The following ASXL3 variants were observed in gnomAD, a reference collection of about 807,000 sequenced individuals.
ASXL3 encodes the protein putative Polycomb group protein ASXL3.
A neutral mutation model predicts 170.6 loss-of-function variants in ASXL3; 34 were observed. The observed-to-expected ratio is 0.20, with a 90% confidence interval of 0.15 to 0.27. The LOEUF (loss-of-function observed/expected upper bound fraction) is 0.27. ASXL3 is among the 10% of genes least tolerant of loss of function. The pLI is 1.00. For synonymous variants in ASXL3, 1,002 were observed against 989.1 expected (o/e 1.01, Z -0.24); for missense variants, 2,592 against 2,695.3 (o/e 0.96, Z 0.85).
chr18:33,594,263 T>C (rs975072136), intron 1 of ASXL3, among the ~76,000 whole-genome samples: 13 of 152,296 alleles, frequency 8.5e-5, no homozygotes, highest in South Asian at 2.1e-4. Context: ...TAATTTAGGG[T>C]TGGCTAAAGG....
At chr18:33,713,347 C>G (rs886560548) in intron 8 of ASXL3, among the ~76,000 whole-genome samples, 3 of 141,682 alleles carry the variant, frequency 2.1e-5, no homozygotes, top group African/African-American at 5.3e-5. Context: ...CTCCACCCCC[C>G]CCCGGGTTCA....
In ASXL3 at chr18:33,725,086, C is replaced by T. The variant is rs912683401; in HGVS notation, c.880-6882C>T. Reference sequence around the variant, plus strand: ...GAGAGTCAATACTCTGGCTTTTATTCGTACTGGGATGTAGACTACAAGGGC... The same window carrying T: ...GAGAGTCAATACTCTGGCTTTTATTTGTACTGGGATGTAGACTACAAGGGC... On this transcript the variant is annotated intron_variant, in intron 8 of 11. Transcript: ENST00000269197. 5.9e-5 allele frequency among the ~76,000 whole-genome samples: 9 copies of T among 152,140 alleles called. No homozygotes were observed. In the East Asian group the frequency reaches 7.8e-4, roughly 13 times the overall value.
At chr18:33,675,991 A>G (rs549553236) in intron 7 of ASXL3, among the ~76,000 whole-genome samples, 47 of 151,996 alleles carry the variant, frequency 3.1e-4, no homozygotes, top group South Asian at 2.1e-3. Flanking sequence ...TTGGGAGGCC[A>G]AGGCGGGCGG....
In ASXL3 at chr18:33,671,867, G is replaced by A. The variant is rs775986411; in HGVS notation, c.715+1G>A. The A allele has an allele frequency of 1.3e-6, 2 of 1,599,608 alleles. No individual in the cohort carries two copies. Among genetic ancestry groups the A allele is most frequent in the Non-Finnish European group, 1.7e-6 (2 of 1,173,472 alleles). ...AAACGATTAAAAAAGTCTGGTTTAG[G>A]TGAGTGTTTAATAGACTATGCCATT... On this transcript the variant is annotated splice_donor_variant, in intron 7 of 11. Coordinates refer to ENST00000269197, the MANE Select transcript of ASXL3 (RefSeq NM_030632.3). LOFTEE classifies it high-confidence loss of function.
Position 33,743,859 on chromosome 18 carries a change from G to T in ASXL3, c.4011G>T (p.Gln1337His), listed in dbSNP as rs201161279. 3.2e-5 allele frequency: 52 copies of T among 1,613,880 alleles called. No homozygotes were observed. Among genetic ancestry groups the T allele is most frequent in the Non-Finnish European group, 4.1e-5 (48 of 1,179,908 alleles). ...SSSASNLVST[Q>H]YTSVPTPSIG... ...GTGCTAGTAACTTAGTCTCCACTCA[G>T]TACACCTCTGTGCCAACTCCCTCCA... The change falls in exon 12 of 12, where the codon CAG (glutamine) becomes CAT (histidine). Residue 1337 changes from glutamine to histidine, a missense_variant. By Grantham distance (24) the Gln-to-His change is conservative. Around this residue, in one of 4 missense-constraint regions of ASXL3, gnomAD observed 2,246 missense variants for 2,219.6 expected, o/e 1.01. Coordinates refer to ENST00000269197, the MANE Select transcript of ASXL3 (RefSeq NM_030632.3).
chr18:33,664,560 AG>A (rs2066226952), intron 5 of ASXL3, among the ~76,000 whole-genome samples: 1 of 152,198 alleles, frequency 6.6e-6, no homozygotes, highest in African/African-American at 2.4e-5. Context: ...GTAGACTCTT[AG>A]AAATAAGTAG....
intron 9 of ASXL3, among the ~76,000 whole-genome samples, chr18:33,732,471 G>T (rs1271230193): frequency 6.6e-6 from 1 of 152,086 alleles, no homozygotes; most frequent in East Asian, 1.9e-4. Flanking sequence ...ACTACAGAAT[G>T]CCCAATGCTA....
rs376585959 is a variant in ASXL3, at chr18:33,746,325, T to C, written c.6477T>C (p.Phe2159=). Reference sequence around the variant, plus strand: ...GTGGAAATTATCCAACAATACACTTTGGTAGCACGAGTTTCAAAAGGGCAG... The same window carrying C: ...GTGGAAATTATCCAACAATACACTTCGGTAGCACGAGTTTCAAAAGGGCAG... ...QLCGNYPTIH[F]GSTSFKRAAS... is the part of the protein sequence containing the mutation. Residue 2159 remains phenylalanine, a synonymous_variant, in exon 12 of 12, where the codon TTT becomes TTC. Transcript: ENST00000269197. 1.1e-4 allele frequency: 174 copies of C among 1,613,882 alleles called. 1 individual carries two copies. The highest frequency in any genetic ancestry group is 1.3e-4 in the Non-Finnish European group (157 of 1,179,886).
intron 2 of ASXL3, among the ~76,000 whole-genome samples, chr18:33,636,438 T>C (rs1205246284): frequency 1.3e-5 from 2 of 152,136 alleles, no homozygotes; most frequent in African/African-American, 4.8e-5. Flanking sequence ...TGTTTTTAAA[T>C]AAGAAAATTA....
At chr18:33,585,450 C>A (rs370370231) in intron 1 of ASXL3, among the ~76,000 whole-genome samples, 1 of 152,140 alleles carries the variant, frequency 6.6e-6, no homozygotes, top group Non-Finnish European at 1.5e-5. Flanking sequence ...CAATTAACAG[C>A]TTTATCAGTC....
Position 33,743,389 on chromosome 18 carries a change from G to A in ASXL3, c.3541G>A (p.Val1181Ile). The stretch of plus-strand genomic sequence containing the variant: ...TGCCCACCTCCGGGAGACCACCACT[G>A]TACTACAGCAGTCTCTTAACCCAAG... ...KSAHLRETTTVLQQSLNPSKL... is the reference protein window; with the variant it reads ...KSAHLRETTTILQQSLNPSKL... Residue 1181 changes from valine to isoleucine, a missense_variant, in exon 12 of 12, where the codon GTA becomes ATA. Transcript: ENST00000269197. 6.2e-7 allele frequency: 1 copy of A among 1,613,296 alleles called. No homozygotes were observed. The highest frequency in any genetic ancestry group is 1.1e-5 in the South Asian group (1 of 91,076).
chr18:33,726,154 TCTACGTTTCATTC>T (rs2067346799), intron 8 of ASXL3, among the ~76,000 whole-genome samples: 1 of 152,186 alleles, frequency 6.6e-6, no homozygotes, highest in Non-Finnish European at 1.5e-5. Context: ...TTAGCAGTTT[TCTACGTTTCATTC>T]CTAAGTCCAA....
At chr18:33,728,437 T>C (rs2067383860) in intron 8 of ASXL3, among the ~76,000 whole-genome samples, 1 of 152,202 alleles carries the variant, frequency 6.6e-6, no homozygotes, top group Non-Finnish European at 1.5e-5. Flanking sequence ...GTTGCCATTT[T>C]CTCAAGGCTG....
intron 1 of ASXL3, among the ~76,000 whole-genome samples, chr18:33,582,738 G>T (rs193165994): frequency 0.048 from 6,562 of 136,850 alleles, 159 homozygotes; most frequent in African/African-American, 0.079. Context: ...GTGTGTGTGT[G>T]TGTTTTCTTG....
At chr18:33,594,153 A>G (rs942725113) in intron 1 of ASXL3, among the ~76,000 whole-genome samples, 4 of 152,314 alleles carry the variant, frequency 2.6e-5, no homozygotes, top group East Asian at 3.9e-4. Flanking sequence ...TTGACCGAAT[A>G]TAAGAGAACA....
intron 8 of ASXL3, among the ~76,000 whole-genome samples, chr18:33,721,465 A>T (rs1373746618): frequency 2.0e-5 from 3 of 152,132 alleles, no homozygotes; most frequent in African/African-American, 7.2e-5. Context: ...ATATTAAAGT[A>T]CATGTGTATA....
At chr18:33,711,432 A>G (rs2067061332) in intron 8 of ASXL3, among the ~76,000 whole-genome samples, 1 of 152,220 alleles carries the variant, frequency 6.6e-6, no homozygotes, top group African/African-American at 2.4e-5. Flanking sequence ...TTTACAACAT[A>G]TATATTAACT....
At chr18:33,740,833 AT>A (rs1177407339) in intron 11 of ASXL3, among the ~76,000 whole-genome samples, 1 of 151,930 alleles carries the variant, frequency 6.6e-6, no homozygotes. Flanking sequence ...ACCCAGTGTA[AT>A]TTTTTCTAAG....
intron 1 of ASXL3, among the ~76,000 whole-genome samples, chr18:33,581,521 C>T (rs955720080): frequency 6.9e-6 from 1 of 144,676 alleles, no homozygotes; most frequent in East Asian, 2.0e-4. Context: ...AAAGATAGGA[C>T]ATCAGGGGAG....
Sources: allele counts gnomAD v4.1 joint callset (sites outside exome capture counted in the v4.1 genomes callset), GRCh38; gene constraint gnomAD v4.1.1; regional missense constraint gnomAD v4.1.1; transcripts MANE v1.5; gene names NCBI Gene and HGNC (gene_info 2026-07-23, HGNC 2026-07-21).